Variants in LRP2 observed in about 807,000 individuals in gnomAD.
LRP2 encodes low-density lipoprotein receptor-related protein 2.
LRP2 carries 172 observed loss-of-function variants against 531.0 expected under a neutral mutation model. The observed-to-expected ratio is 0.32, with a 90% CI of 0.29 to 0.37. LRP2 has a LOEUF of 0.37. LRP2 is among the 10% of genes least tolerant of loss of function. The pLI, the probability that LRP2 is intolerant of heterozygous loss-of-function variation, is 1.00. For missense variants in LRP2, 5,167 were observed against 5,868.3 expected, an observed-to-expected ratio of 0.88 and a Z score of 3.90; for synonymous variants, 1,992 against 2,027.6, an observed-to-expected ratio of 0.98 and a Z score of 0.47.
At chr2:169,225,515 T>C (rs1367842698) in intron 32 of LRP2, 62 bp from the exon 33 acceptor site, 2 of 1,586,610 alleles carry the variant, frequency 1.3e-6, no homozygotes, top group Admixed American at 3.3e-5. Context: ...AAAAGAACCC[T>C]TTCTTCACTG....
rs114780253 is a variant in LRP2, at chr2:169,257,243, T to C, written c.2520A>G (p.Leu840=). ...SVVVHPFAGY[L]FFTDWFRPAK... ...CAGGACGGAACCAATCAGTGAAGAATAGATACCTAGAAAAAGCAGTAGTAA... is the reference window on the plus strand; with the variant it reads ...CAGGACGGAACCAATCAGTGAAGAACAGATACCTAGAAAAAGCAGTAGTAA... Residue 840 remains leucine (L), a synonymous_variant, in exon 18 of 79, where the codon CTA becomes CTG. Transcript: ENST00000649046. The C allele has an allele frequency of 4.6e-4, 738 of 1,612,400 alleles. 3 individuals carry two copies. The African/African-American group carries it at 8.6e-3, about 19-fold the overall frequency.
intron 1 of LRP2, among the ~76,000 whole-genome samples, chr2:169,325,775 C>T (rs1294634569): frequency 6.6e-6 from 1 of 151,766 alleles, no homozygotes; most frequent in Non-Finnish European, 1.5e-5. Context: ...TACAGATCAT[C>T]AAATAGGTGG....
intron 49 of LRP2, among the ~76,000 whole-genome samples, chr2:169,187,512 T>A (rs752435309): frequency 2.0e-5 from 3 of 152,192 alleles, no homozygotes; most frequent in African/African-American, 7.2e-5. Context: ...ACAATGCCCA[T>A]GCTGTGGATT....
chr2:169,279,632 A>G (rs776543088), intron 11 of LRP2, 37 bp from the exon 12 acceptor site: 4 of 1,269,582 alleles, frequency 3.2e-6, no homozygotes, highest in South Asian at 1.2e-5. Flanking sequence ...TTTCTTCAGC[A>G]TCACTAACTA....
chr2:169,183,541 A>G (rs775421276), intron 50 of LRP2, among the ~76,000 whole-genome samples: 1 of 152,202 alleles, frequency 6.6e-6, no homozygotes, highest in Admixed American at 6.5e-5. Context: ...TCGTATTAGT[A>G]TTCCTGTTGC....
intron 48 of LRP2, 35 bp from the exon 49 acceptor site, chr2:169,188,300 G>A: frequency 6.2e-7 from 1 of 1,609,854 alleles, no homozygotes; most frequent in Non-Finnish European, 8.5e-7. Context: ...TTTCAGAGAG[G>A]TTGGCAATAA....
Position 169,138,701 on chromosome 2 carries a change from C to T in LRP2, c.13394G>A (p.Ser4465Asn), listed in dbSNP as rs912280629. 5 of 1,613,918 alleles carry T rather than the reference C, an allele frequency of 3.1e-6. No individual in the cohort carries two copies. Among genetic ancestry groups the T allele is most frequent in the Non-Finnish European group, 4.2e-6 (5 of 1,179,862 alleles). The change falls in exon 75 of 79, where the codon AGC (serine) becomes AAC (asparagine). Residue 4465 changes from serine (S) to asparagine (N), a missense_variant. Physicochemically the swap from Ser to Asn is conservative, Grantham distance 46. Coordinates refer to ENST00000649046, the MANE Select transcript of LRP2 (RefSeq NM_004525.3). The part of the protein sequence containing the change: ...LPALPKLPSL[S>N]SLVKPSENGN... ...ATTTTCAGAGGGCTTGACGAGACTG[C>T]TTAAGCTGGAAAGAAGTAACCAAAA... is the stretch of plus-strand genomic sequence containing the variant.
At chr2:169,139,165 A>T (rs1685627380) in intron 74 of LRP2, 86 bp downstream of exon 74, 1 of 1,597,578 alleles carries the variant, frequency 6.3e-7, no homozygotes, top group Admixed American at 1.7e-5. Flanking sequence ...TGCTTTTTTA[A>T]CTTAGAAAGA....
At chr2:169,213,496 T>C (rs567938741) in intron 36 of LRP2, among the ~76,000 whole-genome samples, 161 bp downstream of exon 36, 31 of 152,346 alleles carry the variant, frequency 2.0e-4, no homozygotes, top group Non-Finnish European at 3.2e-4. Context: ...CACTTAACCA[T>C]GTTTAAGACT....
intron 6 of LRP2, 65 bp from the exon 7 acceptor site, chr2:169,292,434 A>C: frequency 2.0e-6 from 2 of 1,005,972 alleles, no homozygotes; most frequent in Non-Finnish European, 3.2e-6. Flanking sequence ...AAGTGCTCTC[A>C]CCTCACTGCC....
intron 68 of LRP2, among the ~76,000 whole-genome samples, chr2:169,148,015 C>T (rs558635463): frequency 8.5e-5 from 13 of 152,288 alleles, no homozygotes; most frequent in African/African-American, 1.4e-4. Flanking sequence ...GCCCACCAGC[C>T]GCTGCTTTGC....
chr2:169,275,269 A>G (rs779927363), intron 13 of LRP2, 31 bp from the exon 14 acceptor site: 1 of 1,559,930 alleles, frequency 6.4e-7, no homozygotes, highest in South Asian at 1.1e-5. Flanking sequence ...ATATCATACA[A>G]TTTGTTAGTT....
At position 169,284,256 on chromosome 2, in the gene LRP2, C is replaced by CTCTTTT. The variant is rs1553508684; in HGVS notation, c.1043-1256_1043-1255insAAAAGA. 6.0e-4 allele frequency among the ~76,000 whole-genome samples: 58 copies of CTCTTTT among 96,646 alleles called. 3 individuals carry two copies. The highest frequency in any genetic ancestry group is 7.1e-4 in the Admixed American group (6 of 8,406). The allele number at this position is 96,646 out of a possible 152,430, so 63.4% of individuals were successfully genotyped here. A position where few individuals can be genotyped will look rare whatever the true frequency, so the allele number is the denominator to read the frequency against. On this transcript the variant is annotated intron_variant, in intron 9 of 78. Transcript: ENST00000649046. ...CTTTTCTTTTCTTTTTCTTTTTTTT[C>CTCTTTT]TTTTTTTTTTTTTTTTTTTTTTTTT...
chr2:169,182,785 T>C (rs1253662247), intron 50 of LRP2: 1 of 267,522 alleles, frequency 3.7e-6, no homozygotes, highest in Non-Finnish European at 5.8e-6. Flanking sequence ...ATGACATCCT[T>C]AGGATAAAGA....
chr2:169,316,183 A>C (rs1559071948), intron 3 of LRP2, among the ~76,000 whole-genome samples: 1 of 151,886 alleles, frequency 6.6e-6, no homozygotes, highest in African/African-American at 2.4e-5. Flanking sequence ...ATAAAAATAA[A>C]AGAGAGAGAA....
In LRP2 at chr2:169,140,495, C is replaced by T. The variant is rs555922726; in HGVS notation, c.13159G>A (p.Gly4387Arg). ...TCAGTCTCATCAAAATAGCAATTTC[C>T]TCCGTGCATGCACCTGCATGGGGGG... ...LPPPCRCMHG[G>R]NCYFDETDLP... Residue 4387 changes from glycine (G) to arginine (R), a missense_variant, in exon 72 of 79, where the codon GGA becomes AGA. Physicochemically the swap from Gly to Arg is moderately radical, Grantham distance 125 (BLOSUM62 -2). Around this residue, in one of 6 missense-constraint regions of LRP2, gnomAD observed 348 missense variants for 369.3 expected, o/e 0.94. Coordinates refer to ENST00000649046, the MANE Select transcript of LRP2 (RefSeq NM_004525.3). The T allele has an allele frequency of 6.2e-7, 1 of 1,614,162 alleles. No individual in the cohort carries two copies. Among genetic ancestry groups the T allele is most frequent in the East Asian group, 2.2e-5 (1 of 44,880 alleles).
chr2:169,299,538 T>TAAA (rs34543659), intron 4 of LRP2, among the ~76,000 whole-genome samples: 4 of 138,626 alleles, frequency 2.9e-5, no homozygotes, highest in Admixed American at 7.1e-5. Context: ...CTAAATTCCT[T>TAAA]AAAAAAAAAA....
chr2:169,344,028 A>G (rs1157287268), intron 1 of LRP2, among the ~76,000 whole-genome samples: 1 of 152,206 alleles, frequency 6.6e-6, no homozygotes. Context: ...AACCTATATC[A>G]TCTGTCCTAC....
intron 64 of LRP2, 44 bp downstream of exon 64, chr2:169,157,327 A>G: frequency 1.3e-6 from 2 of 1,596,340 alleles, no homozygotes; most frequent in Non-Finnish European, 1.7e-6. Flanking sequence ...AGAACCTTAG[A>G]TGTAAAGTTC....
Sources: allele counts gnomAD v4.1 joint callset (sites outside exome capture counted in the v4.1 genomes callset), GRCh38; gene constraint gnomAD v4.1.1; regional missense constraint gnomAD v4.1.1; transcripts MANE v1.5; gene names NCBI Gene and HGNC (gene_info 2026-07-23, HGNC 2026-07-21).